HERC6: variants seen among roughly 807,000 people sequenced by gnomAD.
HERC6 encodes the protein HECT and RLD domain containing E3 ubiquitin protein ligase family member 6, also known as probable E3 ubiquitin-protein ligase HERC6.
A neutral mutation model predicts 114.5 loss-of-function variants in HERC6; 101 were observed. The ratio of observed to expected loss-of-function variants is 0.88; its 90% CI spans 0.75 to 1.04. The LOEUF is 1.04. Among genes scored for constraint, HERC6 ranks in the 50% least tolerant of loss-of-function variants. The pLI is 0.00. For missense variants in HERC6, 1,133 were observed against 1,230.9 expected (o/e 0.92, Z 1.19); for synonymous variants, 408 against 436.2 (o/e 0.94, Z 0.81).
intron 3 of HERC6, 48 bp from the exon 4 acceptor site, chr4:88,390,604 T>G: frequency 7.0e-7 from 1 of 1,435,902 alleles, no homozygotes; most frequent in Non-Finnish European, 9.4e-7. Flanking sequence ...TATTTGAATT[T>G]GGTATTCTAA....
chr4:88,423,383 G>A (rs1737272041), intron 13 of HERC6, among the ~76,000 whole-genome samples: 1 of 151,980 alleles, frequency 6.6e-6, no homozygotes, highest in African/African-American at 2.4e-5. Context: ...TACACCCAAG[G>A]GCAGTCTCCT....
intron 13 of HERC6, 75 bp from the exon 14 acceptor site, chr4:88,423,785 C>T (rs1211772624): frequency 2.9e-5 from 17 of 591,406 alleles, no homozygotes; most frequent in Non-Finnish European, 5.7e-6. Context: ...AACAGCCATA[C>T]ATATATATCT....
At chr4:88,386,932 C>T (rs565735436) in intron 3 of HERC6, among the ~76,000 whole-genome samples, 2 of 152,272 alleles carry the variant, frequency 1.3e-5, no homozygotes, top group South Asian at 4.1e-4. Flanking sequence ...TGTGGCATAT[C>T]CTGACCCCCT....
rs924055679 is a variant in HERC6 at position 88,438,075 on chromosome 4, G to A, written c.2555+294G>A. Among the ~76,000 whole-genome samples, 7 of 149,394 alleles carry A rather than the reference G, an allele frequency of 4.7e-5. No homozygotes were observed. In the South Asian group the frequency reaches 6.4e-4, roughly 14 times the overall value. ...CAGGAAGTGGAGGTTGCAGTGAGCC[G>A]GGATTGCGCAACTGCACTCAAGCCT... On this transcript the variant is annotated intron_variant, in intron 20 of 22. Transcript: ENST00000264346.
chr4:88,387,374 G>A (rs780839099), intron 3 of HERC6, among the ~76,000 whole-genome samples: 7 of 152,158 alleles, frequency 4.6e-5, no homozygotes, highest in Non-Finnish European at 1.0e-4. Flanking sequence ...TCCAGGCTGG[G>A]CGACAGAGTA....
rs777148021 is a variant in HERC6 at position 88,393,501 on chromosome 4, G to T, written c.678G>T (p.Lys226Asn). 1.9e-6 allele frequency: 3 copies of T among 1,610,154 alleles called. No homozygotes were observed. The highest frequency in any genetic ancestry group is 2.5e-6 in the Non-Finnish European group (3 of 1,177,420). The change falls in exon 5 of 23, where the codon AAG becomes AAT. Residue 226 changes from lysine (K) to asparagine (N), a missense_variant. Physicochemically the swap from Lys to Asn is moderately conservative, Grantham distance 94 (BLOSUM62 0). This residue lies in a region of HERC6 where 735 missense variants were observed against 754.0 expected (regional missense o/e 0.97). Coordinates refer to ENST00000264346, the MANE Select transcript of HERC6 (RefSeq NM_017912.4). ...SGRNVPVQSN[K>N]PLSVGALKNL... ...TTCTTTCAACAGTGCAAAGCAACAA[G>T]CCTCTCTCAGTCGGTGCACTGAAGA... is the stretch of plus-strand genomic sequence containing the variant.
At position 88,408,616 on chromosome 4, in the gene HERC6, T is replaced by C. The variant is rs1247061133; in HGVS notation, c.1367T>C (p.Met456Thr). 9 of 1,550,462 alleles carry C rather than the reference T, an allele frequency of 5.8e-6. No homozygotes were observed. The highest frequency in any genetic ancestry group is 7.9e-6 in the Non-Finnish European group (9 of 1,136,160). Residue 456 changes from methionine (M) to threonine (T), a missense_variant and splice_region_variant, in exon 11 of 23, where the codon ATG becomes ACG. Around this residue, in one of 3 missense-constraint regions of HERC6, gnomAD observed 735 missense variants for 754.0 expected, o/e 0.97. Coordinates refer to ENST00000264346, the MANE Select transcript of HERC6 (RefSeq NM_017912.4). ...KLTKKEWISS[M>T]ITTCLEDDLL... ...ACAAAAAAGGAATGGATTTCTTCCA[T>C]GGTAATAGCCAATACTTACTTTAGA...
intron 8 of HERC6, among the ~76,000 whole-genome samples, chr4:88,404,339 C>T (rs1261810253): frequency 6.6e-6 from 1 of 151,992 alleles, no homozygotes; most frequent in Non-Finnish European, 1.5e-5. Flanking sequence ...AGGTGACCAC[C>T]ACCATGCCCG....
intron 1 of HERC6, among the ~76,000 whole-genome samples, chr4:88,382,431 G>A (rs1734370488): frequency 6.6e-6 from 1 of 152,110 alleles, no homozygotes; most frequent in Non-Finnish European, 1.5e-5. Context: ...TTCCTTCTGA[G>A]CAAGGGATTC....
chr4:88,379,528 C>A (rs1019909685), intron 1 of HERC6, among the ~76,000 whole-genome samples: 15 of 150,036 alleles, frequency 1.0e-4, no homozygotes, highest in African/African-American at 3.4e-4. Flanking sequence ...TCCTCGCCTG[C>A]GCGGTTCTAC....
chr4:88,436,363 C>CA (rs1738734603), intron 18 of HERC6, among the ~76,000 whole-genome samples: 1 of 152,052 alleles, frequency 6.6e-6, no homozygotes. Context: ...ACAGTGTTGG[C>CA]AAAAAATTGG....
intron 17 of HERC6, among the ~76,000 whole-genome samples, chr4:88,432,108 A>G (rs1411474088): frequency 6.6e-6 from 1 of 152,252 alleles, no homozygotes; most frequent in Non-Finnish European, 1.5e-5. Flanking sequence ...ACATGATGCC[A>G]CAAGTGGGAA....
rs887678552 is a variant in HERC6 at position 88,424,827 on chromosome 4, CT to C, written c.1935+132del. 4.9e-5 allele frequency: 31 copies of C among 626,944 alleles called. 1 individual carries two copies. The highest frequency in any genetic ancestry group is 3.2e-4 in the South Asian group (15 of 46,352). The allele number at this position is 626,944 out of a possible 1,614,324, so 38.8% of individuals were successfully genotyped here. On this transcript the variant is annotated intron_variant, in intron 15 of 22. Coordinates refer to ENST00000264346, the MANE Select transcript of HERC6 (RefSeq NM_017912.4). ...CATTTTGCCACACTTTTATCTATCACTTTTTTTCTTTGTTGTTGTTACTGTT... is the reference window on the plus strand; with the variant it reads ...CATTTTGCCACACTTTTATCTATCACTTTTTTCTTTGTTGTTGTTACTGTT...
rs201703432 is a variant in HERC6, at chr4:88,405,005, T to C, written c.1214+8T>C. On this transcript the variant is annotated splice_region_variant and intron_variant, in intron 9 of 22. Coordinates refer to ENST00000264346, the MANE Select transcript of HERC6 (RefSeq NM_017912.4). ...ACATGAAATGGCTAAAAGGTGGCTCTGTCTGATAAATTATAAGCCACTTTT... is the reference window on the plus strand; with the variant it reads ...ACATGAAATGGCTAAAAGGTGGCTCCGTCTGATAAATTATAAGCCACTTTT... 4.8e-5 allele frequency: 78 copies of C among 1,612,092 alleles called. No individual in the cohort carries two copies. The highest frequency in any genetic ancestry group is 6.5e-5 in the Non-Finnish European group (77 of 1,179,048).
At chr4:88,436,841 A>G in intron 18 of HERC6, 64 bp from the exon 19 acceptor site, 1 of 1,150,888 alleles carries the variant, frequency 8.7e-7, no homozygotes, top group Non-Finnish European at 1.3e-6. Context: ...TTTTCCATTG[A>G]AAATTACTTG....
chr4:88,383,205 G>T lies in HERC6; in HGVS notation c.200-16G>T. On this transcript the variant is annotated splice_polypyrimidine_tract_variant and intron_variant, in intron 1 of 22. Coordinates refer to ENST00000264346, the MANE Select transcript of HERC6 (RefSeq NM_017912.4). ...TGCAGTGGTGGTTGGGGGGTGTTTT[G>T]TTTTGTTTCCCAAAGAACCAATTCA... is the stretch of plus-strand genomic sequence containing the variant. 6.2e-7 allele frequency: 1 copy of T among 1,606,938 alleles called. No homozygotes were observed. The highest frequency in any genetic ancestry group is 8.5e-7 in the Non-Finnish European group (1 of 1,176,564).
At chr4:88,394,838 C>T (rs1000395146) in intron 5 of HERC6, among the ~76,000 whole-genome samples, 8 of 152,172 alleles carry the variant, frequency 5.3e-5, no homozygotes, top group African/African-American at 1.9e-4. Flanking sequence ...AGCCACTGCG[C>T]CCGGCCCCTT....
At chr4:88,384,356 G>A (rs976047770) in intron 2 of HERC6, among the ~76,000 whole-genome samples, 2 of 152,152 alleles carry the variant, frequency 1.3e-5, no homozygotes, top group African/African-American at 2.4e-5. Flanking sequence ...ACCAAAGGTG[G>A]AAGAGAAGTT....
intron 17 of HERC6, among the ~76,000 whole-genome samples, chr4:88,432,702 CTGGGCGACAG>C (rs1738357119): frequency 6.6e-6 from 1 of 151,464 alleles, no homozygotes; most frequent in African/African-American, 2.4e-5. Context: ...GCACCCCAGC[CTGGGCGACAG>C]AGTGATACTC....
Sources: gnomAD v4.1 joint callset for allele counts (sites outside exome capture counted in the v4.1 genomes callset) on GRCh38, gnomAD v4.1.1 for gene constraint, gnomAD v4.1.1 regional missense constraint, MANE v1.5 for transcripts, NCBI Gene and HGNC (gene_info 2026-07-23, HGNC 2026-07-21) for gene names.